Variants in SEPTIN10 observed in about 807,000 individuals in gnomAD.
SEPTIN10 encodes the protein septin 10.
SEPTIN10 carries 66 observed loss-of-function variants against 54.8 expected under a neutral mutation model. The observed-to-expected ratio is 1.21, with a 90% CI of 0.99 to 1.48. The LOEUF is 1.48. Among genes scored for constraint, SEPTIN10 ranks in the 40% most tolerant of loss-of-function variants. The probability of loss-of-function intolerance (pLI) is 0.00; values close to 1 mark genes in which losing one functional copy is unlikely to be tolerated. For synonymous variants in SEPTIN10, 161 were observed against 181.0 expected, an observed-to-expected ratio of 0.89 and a Z score of 0.89; for missense variants, 620 against 545.6, an observed-to-expected ratio of 1.14 and a Z score of -1.36.
chr2:109,613,045 AGG>A (rs914276201), intron 1 of SEPTIN10: 14 of 541,406 alleles, frequency 2.6e-5, no homozygotes, highest in Non-Finnish European at 9.8e-6. Context: ...AAAAATTAAA[AGG>A]GAGAATTTGT....
intron 2 of SEPTIN10, among the ~76,000 whole-genome samples, chr2:109,588,008 C>T (rs1215906407): frequency 1.3e-5 from 2 of 151,890 alleles, no homozygotes; most frequent in African/African-American, 4.8e-5. Flanking sequence ...GGGAGGATCA[C>T]TTAAACTCAG....
At chr2:109,556,372 T>C (rs952161352) in intron 8 of SEPTIN10, among the ~76,000 whole-genome samples, 5 of 152,216 alleles carry the variant, frequency 3.3e-5, no homozygotes, top group African/African-American at 1.2e-4. Flanking sequence ...TTAAATCTTA[T>C]TAATCTTAAA....
intron 1 of SEPTIN10, among the ~76,000 whole-genome samples, chr2:109,608,880 A>C (rs1698600339): frequency 6.6e-6 from 1 of 152,226 alleles, no homozygotes; most frequent in Non-Finnish European, 1.5e-5. Flanking sequence ...TTTGCGCATC[A>C]GGCATTTTAT....
intron 9 of SEPTIN10, 148 bp from the exon 10 acceptor site, chr2:109,546,385 T>C (rs1681256009): frequency 2.1e-6 from 1 of 471,776 alleles, no homozygotes; most frequent in African/African-American, 2.0e-5. Flanking sequence ...AAGTTCATAG[T>C]TCAAGGAAAA....
intron 9 of SEPTIN10, among the ~76,000 whole-genome samples, chr2:109,550,459 T>C (rs1053306140): frequency 2.0e-5 from 3 of 151,766 alleles, no homozygotes; most frequent in Admixed American, 2.0e-4. Flanking sequence ...ATTATAGGCA[T>C]GTTGCCACCA....
chr2:109,551,600 G>A (rs530260920), intron 9 of SEPTIN10, among the ~76,000 whole-genome samples: 8 of 152,278 alleles, frequency 5.3e-5, no homozygotes, highest in African/African-American at 1.9e-4. Flanking sequence ...TTAGGTAAGG[G>A]GAAGGACATA....
intron 8 of SEPTIN10, among the ~76,000 whole-genome samples, chr2:109,559,283 A>T (rs1303540027): frequency 1.3e-5 from 2 of 152,220 alleles, no homozygotes; most frequent in East Asian, 3.9e-4. Flanking sequence ...ATCACATATG[A>T]CAAAGAACCA....
intron 4 of SEPTIN10, among the ~76,000 whole-genome samples, chr2:109,577,017 T>C (rs1237149950): frequency 6.6e-6 from 1 of 151,548 alleles, no homozygotes; most frequent in African/African-American, 2.4e-5. Context: ...TTAGAAATAA[T>C]AAAAACCCAG....
At chr2:109,558,481 G>A (rs1329471642) in intron 8 of SEPTIN10, among the ~76,000 whole-genome samples, 3 of 152,174 alleles carry the variant, frequency 2.0e-5, no homozygotes, top group Non-Finnish European at 4.4e-5. Flanking sequence ...AAAGAGATTA[G>A]TTAGGTTAAT....
At chr2:109,579,550 AT>A (rs1267265365) in intron 4 of SEPTIN10, among the ~76,000 whole-genome samples, 13 of 151,446 alleles carry the variant, frequency 8.6e-5, no homozygotes, top group Non-Finnish European at 1.6e-4. Flanking sequence ...CGCCTGGCTA[AT>A]TTTTGTATTT....
chr2:109,592,066 G>A (rs1416377341), intron 2 of SEPTIN10, among the ~76,000 whole-genome samples: 1 of 152,150 alleles, frequency 6.6e-6, no homozygotes, highest in Non-Finnish European at 1.5e-5. Context: ...AGCATAAGGT[G>A]TAATCTTGCA....
At chr2:109,551,998 C>T (rs148976141) in intron 9 of SEPTIN10, among the ~76,000 whole-genome samples, 22 of 152,316 alleles carry the variant, frequency 1.4e-4, no homozygotes, top group African/African-American at 5.1e-4. Flanking sequence ...CTGGGCTACA[C>T]AGTATAAGGT....
In SEPTIN10 at chr2:109,543,089, A is replaced by T. The variant is rs536958181; in HGVS notation, c.*1220T>A. 6.5e-6 allele frequency: 1 copy of T among 152,794 alleles called. No homozygotes were observed. The highest frequency in any genetic ancestry group is 2.4e-5 in the African/African-American group (1 of 41,602). The allele number at this position is 152,794 out of a possible 1,614,324, so 9.5% of individuals were successfully genotyped here. On this transcript the variant is annotated 3_prime_UTR_variant, in exon 11 of 11. Transcript: ENST00000397712. Reference sequence around the variant, plus strand: ...ATATCTATGACTGTTAAGAAATGTTAGAAATCATTAAAATGTTCTGAGAAT... The same window carrying T: ...ATATCTATGACTGTTAAGAAATGTTTGAAATCATTAAAATGTTCTGAGAAT...
At chr2:109,576,932 CTG>C (rs1476104944) in intron 4 of SEPTIN10, among the ~76,000 whole-genome samples, 1 of 152,082 alleles carries the variant, frequency 6.6e-6, no homozygotes, top group Non-Finnish European at 1.5e-5. Flanking sequence ...GAAGAAATGT[CTG>C]AGATTTTTTA....
At chr2:109,553,565 A>G (rs1242711620) in intron 8 of SEPTIN10, among the ~76,000 whole-genome samples, 2 of 144,376 alleles carry the variant, frequency 1.4e-5, no homozygotes, top group African/African-American at 2.6e-5. Context: ...AAAAAGTGAT[A>G]TAAGTGGCCT....
chr2:109,544,103 A>G lies in SEPTIN10; in HGVS notation c.*206T>C. Reference sequence around the variant, plus strand: ...TCTGGATTTCAGATTTTTGAATTAGAGATGCTCAACTTGTAGTATCATTCA... The same window carrying G: ...TCTGGATTTCAGATTTTTGAATTAGGGATGCTCAACTTGTAGTATCATTCA... On this transcript the variant is annotated 3_prime_UTR_variant, in exon 11 of 11. Coordinates refer to ENST00000397712, the MANE Select transcript of SEPTIN10 (RefSeq NM_144710.5). The G allele has an allele frequency of 1.3e-6, 2 of 1,485,610 alleles. No homozygotes were observed. The highest frequency in any genetic ancestry group is 1.8e-6 in the Non-Finnish European group (2 of 1,109,678). 92.0% of individuals were successfully genotyped at this position (1,485,610 alleles called of 1,614,324 possible).
At chr2:109,583,736 C>A (rs987530357) in intron 4 of SEPTIN10, among the ~76,000 whole-genome samples, 1 of 152,174 alleles carries the variant, frequency 6.6e-6, no homozygotes, top group African/African-American at 2.4e-5. Context: ...TGGAATCAAC[C>A]TAGCTGCCCA....
chr2:109,610,200 T>C (rs1698953339), intron 1 of SEPTIN10, among the ~76,000 whole-genome samples: 1 of 151,944 alleles, frequency 6.6e-6, no homozygotes, highest in Admixed American at 6.6e-5. Context: ...GTGATCCTCC[T>C]GCCTCAGCCT....
chr2:109,550,502 T>C (rs561591609), intron 9 of SEPTIN10, among the ~76,000 whole-genome samples: 24 of 151,884 alleles, frequency 1.6e-4, no homozygotes, highest in Non-Finnish European at 3.4e-4. Context: ...TTAGTAGAGA[T>C]GGGGTTTCAC....
Sources: gnomAD v4.1 joint callset for allele counts (sites outside exome capture counted in the v4.1 genomes callset) on GRCh38, gnomAD v4.1.1 for gene constraint, MANE v1.5 for transcripts, NCBI Gene and HGNC (gene_info 2026-07-23, HGNC 2026-07-21) for gene names.